The following NLRP11 variants were observed in gnomAD, a reference collection of about 807,000 sequenced individuals.
NLRP11 encodes the protein NACHT, LRR and PYD domains-containing protein 11.
A neutral mutation model predicts 79.3 loss-of-function variants in NLRP11; 53 were observed. That is an observed-to-expected ratio of 0.67 (90% CI 0.54 to 0.84). NLRP11 has a LOEUF of 0.84. NLRP11 is among the 40% of genes least tolerant of loss of function. The pLI, the probability that NLRP11 is intolerant of heterozygous loss-of-function variation, is 0.00. For synonymous variants in NLRP11, 518 were observed against 462.6 expected, an observed-to-expected ratio of 1.12 and a Z score of -1.54; for missense variants, 1,264 against 1,255.0, an observed-to-expected ratio of 1.01 and a Z score of -0.11.
At chr19:55,787,425 C>T (rs1449275959) in intron 9 of NLRP11, among the ~76,000 whole-genome samples, 1 of 152,184 alleles carries the variant, frequency 6.6e-6, no homozygotes, top group Admixed American at 6.5e-5. Flanking sequence ...CAAACTCCGC[C>T]TCCCAGGTTC....
At chr19:55,808,417 G>A (rs752877186) in intron 3 of NLRP11, among the ~76,000 whole-genome samples, 30 of 152,122 alleles carry the variant, frequency 2.0e-4, no homozygotes, top group Non-Finnish European at 3.4e-4. Flanking sequence ...CAATTCTGCC[G>A]CTAAGCAGAC....
At chr19:55,804,001 G>T (rs918682682) in intron 4 of NLRP11, among the ~76,000 whole-genome samples, 2 of 152,208 alleles carry the variant, frequency 1.3e-5, no homozygotes, top group Middle Eastern at 3.2e-3. Flanking sequence ...ACAATCACTT[G>T]AACCTGGGAA....
At chr19:55,788,515 C>T (rs1474798366) in intron 9 of NLRP11, among the ~76,000 whole-genome samples, 3 of 151,474 alleles carry the variant, frequency 2.0e-5, no homozygotes, top group Non-Finnish European at 2.9e-5. Flanking sequence ...CCAAGGTGGA[C>T]AGATCATGAG....
At chr19:55,785,480 G>T in exon 10 of NLRP11, 2 of 713,236 alleles carry the variant, frequency 2.8e-6, no homozygotes, top group Non-Finnish European at 2.3e-6. Context: ...TGAAGTGGTT[G>T]ACTGGATCAA....
At chr19:55,822,693 C>T (rs374394385) in intron 1 of NLRP11, among the ~76,000 whole-genome samples, 4 of 152,310 alleles carry the variant, frequency 2.6e-5, no homozygotes, top group South Asian at 2.1e-4. Flanking sequence ...CCGAATACTG[C>T]GCTTTTCTGA....
upstream of NLRP11, among the ~76,000 whole-genome samples, chr19:55,832,263 T>A (rs1014848340): frequency 2.0e-5 from 3 of 152,180 alleles, no homozygotes; most frequent in Non-Finnish European, 4.4e-5. Context: ...CCAAAACAAT[T>A]GACTTAGGCA....
At chr19:55,823,945 C>T (rs968305207) in intron 1 of NLRP11, among the ~76,000 whole-genome samples, 1 of 135,320 alleles carries the variant, frequency 7.4e-6, no homozygotes, top group African/African-American at 3.0e-5. Context: ...AAGAGCAACT[C>T]CAAGACACAT....
chr19:55,815,385 C>T (rs915984641), intron 2 of NLRP11, among the ~76,000 whole-genome samples: 3 of 151,658 alleles, frequency 2.0e-5, no homozygotes, highest in Non-Finnish European at 2.9e-5. Flanking sequence ...AAAAATGAGC[C>T]GGGTGTGGTG....
intron 4 of NLRP11, among the ~76,000 whole-genome samples, chr19:55,807,274 A>ATT (rs1980087919): frequency 6.6e-6 from 1 of 152,140 alleles, no homozygotes; most frequent in South Asian, 2.1e-4. Flanking sequence ...GCCATTTCCT[A>ATT]TAGAGCTATT....
At chr19:55,828,278 A>G (rs1982418997) in intron 1 of NLRP11, among the ~76,000 whole-genome samples, 1 of 146,040 alleles carries the variant, frequency 6.8e-6, no homozygotes, top group Non-Finnish European at 1.5e-5. Flanking sequence ...GGGTGGGGGG[A>G]AGGGGGAGGG....
chr19:55,786,777 A>G (rs1438625749), intron 9 of NLRP11, among the ~76,000 whole-genome samples: 1 of 152,174 alleles, frequency 6.6e-6, no homozygotes, highest in African/African-American at 2.4e-5. Flanking sequence ...CTCATGTTCT[A>G]GTGGAAGGAA....
chr19:55,823,248 C>T (rs1490880769), intron 1 of NLRP11, among the ~76,000 whole-genome samples: 15 of 138,334 alleles, frequency 1.1e-4, no homozygotes, highest in East Asian at 6.6e-4. Flanking sequence ...ACATCCACAC[C>T]GAAAACCCAT....
At chr19:55,811,101 T>C (rs1237379247) in intron 2 of NLRP11, among the ~76,000 whole-genome samples, 1 of 152,180 alleles carries the variant, frequency 6.6e-6, no homozygotes, top group African/African-American at 2.4e-5. Context: ...TACACGTTCA[T>C]CTTCCCTTCT....
At chr19:55,821,240 CACACACACA>C (rs761042739) in intron 1 of NLRP11, among the ~76,000 whole-genome samples, 5,336 of 128,400 alleles carry the variant, frequency 0.042, 126 homozygotes, top group Admixed American at 0.06. Flanking sequence ...CACACACACA[CACACACACA>C]CCCCAAGCAC....
At chr19:55,817,793 A>T in intron 2 of NLRP11, 111 bp downstream of exon 2, 1 of 851,234 alleles carries the variant, frequency 1.2e-6, no homozygotes. Context: ...GTACTCAAAT[A>T]CCACCTGCTT....
chr19:55,791,779 C>CA (rs1990248459), intron 7 of NLRP11, among the ~76,000 whole-genome samples: 1 of 152,132 alleles, frequency 6.6e-6, no homozygotes, highest in African/African-American at 2.4e-5. Flanking sequence ...TGGCTTGTTA[C>CA]ATATTTTTTC....
chr19:55,814,468 G>A (rs1447177892), intron 2 of NLRP11, among the ~76,000 whole-genome samples: 1 of 152,110 alleles, frequency 6.6e-6, no homozygotes, highest in African/African-American at 2.4e-5. Flanking sequence ...CCAAAAAGGT[G>A]CGGGACCACT....
At chr19:55,822,421 G>A (rs138444789) in intron 1 of NLRP11, among the ~76,000 whole-genome samples, 160 of 152,312 alleles carry the variant, frequency 1.1e-3, no homozygotes, top group African/African-American at 3.6e-3. Flanking sequence ...CAAGATGGCC[G>A]AATAGGAACA....
chr19:55,831,273 A>G (rs904071122), intron 1 of NLRP11, among the ~76,000 whole-genome samples: 2 of 151,660 alleles, frequency 1.3e-5, no homozygotes, highest in South Asian at 4.2e-4. Context: ...ATTAAAATAG[A>G]GCTCAGGACC....
Sources: gnomAD v4.1 joint callset for allele counts (sites outside exome capture counted in the v4.1 genomes callset) on GRCh38, gnomAD v4.1.1 for gene constraint, MANE v1.5 for transcripts, NCBI Gene and HGNC (gene_info 2026-07-23, HGNC 2026-07-21) for gene names.